CSMD3: variants seen among roughly 807,000 people sequenced by gnomAD.
CSMD3 encodes CUB and sushi domain-containing protein 3.
In CSMD3, 177 loss-of-function variants were observed where a neutral mutation model predicts 435.2. The observed-to-expected ratio is 0.41, with a 90% CI of 0.36 to 0.46. CSMD3 has a LOEUF of 0.46. Among genes scored for constraint, CSMD3 ranks in the 20% least tolerant of loss-of-function variants. CSMD3 has a pLI of 0.34. For missense variants in CSMD3, 4,265 were observed against 4,504.6 expected (o/e 0.95, Z 1.52); for synonymous variants, 1,656 against 1,520.5 (o/e 1.09, Z -2.07).
chr8:112,531,415 T>C (rs752158528), intron 27 of CSMD3, among the ~76,000 whole-genome samples: 41 of 152,128 alleles, frequency 2.7e-4, no homozygotes, highest in Non-Finnish European at 4.4e-4. Flanking sequence ...AGTGCTGTGC[T>C]GGTCTGGAAG....
intron 31 of CSMD3, among the ~76,000 whole-genome samples, chr8:112,476,664 CT>C (rs1819084868): frequency 6.6e-6 from 1 of 152,120 alleles, no homozygotes; most frequent in African/African-American, 2.4e-5. Flanking sequence ...TACCAAAGAA[CT>C]GTGTTTTATG....
chr8:112,927,406 G>T lies in CSMD3; in HGVS notation c.1509-5655C>A, dbSNP rs2082945603. On this transcript the variant is annotated intron_variant, in intron 9 of 70. Transcript: ENST00000297405. Reference sequence around the variant, plus strand: ...AGCAAGTGAAGCTCCTTATAGAGGGGTCATTCCTCCAACTAGTTTGGGATT... The same window carrying T: ...AGCAAGTGAAGCTCCTTATAGAGGGTTCATTCCTCCAACTAGTTTGGGATT... Among the ~76,000 whole-genome samples the T allele has an allele frequency of 3.3e-5, 5 of 151,948 alleles. 1 individual carries two copies. Among genetic ancestry groups the T allele is most frequent in the Admixed American group, 3.3e-4 (5 of 15,238 alleles).
rs759105346 is a variant in CSMD3 at position 112,503,787 on chromosome 8, T to C, written c.5083+3A>G. On this transcript the variant is annotated splice_donor_region_variant and intron_variant, in intron 30 of 70. Transcript: ENST00000297405. ...GATACTAACATGGAATGTTCATATT[T>C]ACCTTTGTATTCTAGATGAAATCCA... 1 of 1,595,332 alleles carries C rather than the reference T, an allele frequency of 6.3e-7. No individual in the cohort carries two copies. The highest frequency in any genetic ancestry group is 1.1e-5 in the South Asian group (1 of 90,468).
intron 10 of CSMD3, among the ~76,000 whole-genome samples, chr8:112,870,997 C>T (rs546263185): frequency 6.6e-6 from 1 of 152,172 alleles, no homozygotes; most frequent in Non-Finnish European, 1.5e-5. Context: ...AGTTTTTCTC[C>T]TGCAGCTCAT....
intron 3 of CSMD3, among the ~76,000 whole-genome samples, chr8:113,258,119 G>C (rs1433312618): frequency 1.3e-5 from 2 of 152,120 alleles, no homozygotes; most frequent in Non-Finnish European, 2.9e-5. Flanking sequence ...CATGAAAGCT[G>C]TTAGAATAAT....
chr8:112,717,841 T>C (rs2076767331), intron 13 of CSMD3, among the ~76,000 whole-genome samples: 1 of 151,992 alleles, frequency 6.6e-6, no homozygotes, highest in South Asian at 2.1e-4. Flanking sequence ...ATGTTCTCAC[T>C]GAAAAGTAGG....
At chr8:113,338,940 CTGTT>C (rs2094097730) in intron 1 of CSMD3, among the ~76,000 whole-genome samples, 1 of 151,832 alleles carries the variant, frequency 6.6e-6, no homozygotes, top group South Asian at 2.1e-4. Flanking sequence ...CCACACTTGT[CTGTT>C]TAATTACACT....
At chr8:112,494,590 A>G (rs770574319) in intron 30 of CSMD3, among the ~76,000 whole-genome samples, 8 of 130,042 alleles carry the variant, frequency 6.2e-5, no homozygotes, top group Non-Finnish European at 1.3e-4. Context: ...CTTTCTCTCT[A>G]CAAGTACTTA....
intron 28 of CSMD3, among the ~76,000 whole-genome samples, chr8:112,511,127 T>C (rs1310006084): frequency 6.6e-6 from 1 of 152,178 alleles, no homozygotes; most frequent in African/African-American, 2.4e-5. Flanking sequence ...CAAAACCTTT[T>C]TGGTTTCCAA....
rs567680238 is a variant in CSMD3 at position 112,336,818 on chromosome 8, C to T, written c.6853G>A (p.Gly2285Arg). ...PLPRCEALCG[G>R]NITAMNGTIY... ...GTGCCATTCATTGCAGTTATATTCC[C>T]ACCACAAAGAGCTACGGAAAAAGTC... The change falls in exon 44 of 71, where the codon GGG (glycine) becomes AGG (arginine). Residue 2285 changes from glycine (G) to arginine (R), a missense_variant. Gly to Arg is a moderately radical substitution (Grantham distance 125). Coordinates refer to ENST00000297405, the MANE Select transcript of CSMD3 (RefSeq NM_198123.2). 13 of 1,612,298 alleles carry T rather than the reference C, an allele frequency of 8.1e-6. No individual in the cohort carries two copies. In the Admixed American group the frequency reaches 1.7e-4, roughly 21 times the overall value.
rs200175317 is a variant in CSMD3 at position 112,859,158 on chromosome 8, A to G, written c.1742T>C (p.Val581Ala). ...NAQCVWVITA[V>A]NTNKVIQINF... ...GTGTTCTCTTACCTTATTTGTATTC[A>G]CTGCTGTGATGACCCAGACACATTG... The change falls in exon 11 of 71, where the codon GTG becomes GCG. Residue 581 changes from valine to alanine, a missense_variant. Transcript: ENST00000297405. The G allele has an allele frequency of 6.2e-7, 1 of 1,610,852 alleles. No homozygotes were observed. The highest frequency in any genetic ancestry group is 2.2e-5 in the East Asian group (1 of 44,730).
chr8:112,687,405 A>T (rs1028203226), intron 14 of CSMD3, among the ~76,000 whole-genome samples: 2 of 152,088 alleles, frequency 1.3e-5, no homozygotes, highest in African/African-American at 4.8e-5. Flanking sequence ...TATGCATAAA[A>T]CTTTCTCATT....
intron 1 of CSMD3, among the ~76,000 whole-genome samples, chr8:113,338,292 G>GT (rs1563718778): frequency 2.6e-5 from 4 of 151,870 alleles, no homozygotes; most frequent in African/African-American, 9.7e-5. Flanking sequence ...ATCTCAAAAT[G>GT]TAAGATGGTG....
chr8:112,859,031 G>A (rs766615885), intron 11 of CSMD3, 114 bp downstream of exon 11: 179 of 952,738 alleles, frequency 1.9e-4, no homozygotes, highest in Non-Finnish European at 1.1e-4. Context: ...GGAATATTGC[G>A]CCAAAATCCT....
Position 112,313,957 on chromosome 8 carries a change from A to C in CSMD3, c.7645T>G (p.Trp2549Gly). ...TTGTTATTGCCATGATCTGCTGACCACTGAAGAAATACTTCATGACCATTG... is the reference window on the plus strand; with the variant it reads ...TTGTTATTGCCATGATCTGCTGACCCCTGAAGAAATACTTCATGACCATTG... Reference protein sequence around the residue: ...TSNGHEVFLQWSADHGNNKKG... With the variant: ...TSNGHEVFLQGSADHGNNKKG... Residue 2549 changes from tryptophan (W) to glycine (G), a missense_variant, in exon 49 of 71, where the codon TGG becomes GGG. Around this residue, in one of 3 missense-constraint regions of CSMD3, gnomAD observed 3,255 missense variants for 3,380.2 expected, o/e 0.96. Coordinates refer to ENST00000297405, the MANE Select transcript of CSMD3 (RefSeq NM_198123.2). 1 of 1,612,260 alleles carries C rather than the reference A, an allele frequency of 6.2e-7. No homozygotes were observed. The highest frequency in any genetic ancestry group is 8.5e-7 in the Non-Finnish European group (1 of 1,178,592).
chr8:112,243,764 G>A (rs1008369563), intron 65 of CSMD3, among the ~76,000 whole-genome samples: 1 of 152,060 alleles, frequency 6.6e-6, no homozygotes, highest in African/African-American at 2.4e-5. Context: ...TTGGAAAGAA[G>A]GTCTTTGCAA....
chr8:112,246,512 A>G (rs551683988), intron 64 of CSMD3, among the ~76,000 whole-genome samples: 5 of 152,212 alleles, frequency 3.3e-5, no homozygotes, highest in Non-Finnish European at 7.3e-5. Flanking sequence ...TAATCTGTAT[A>G]GCAAGTGCTC....
intron 52 of CSMD3, among the ~76,000 whole-genome samples, chr8:112,302,842 A>G (rs1821070516): frequency 6.6e-6 from 1 of 151,306 alleles, no homozygotes; most frequent in African/African-American, 2.4e-5. Flanking sequence ...GGTCGCTATT[A>G]ATATTATTGA....
At chr8:113,055,220 G>A (rs958839761) in intron 5 of CSMD3, among the ~76,000 whole-genome samples, 2 of 151,996 alleles carry the variant, frequency 1.3e-5, no homozygotes, top group African/African-American at 4.8e-5. Context: ...GCGTGATCTC[G>A]ACTCACTGCA....
Sources: gnomAD v4.1 joint callset for allele counts (sites outside exome capture counted in the v4.1 genomes callset) on GRCh38, gnomAD v4.1.1 for gene constraint, gnomAD v4.1.1 regional missense constraint, MANE v1.5 for transcripts, NCBI Gene and HGNC (gene_info 2026-07-23, HGNC 2026-07-21) for gene names.